The following ZNF28 variants were observed in gnomAD, a reference collection of about 807,000 sequenced individuals.
ZNF28 encodes zinc finger protein KOX24.
A neutral mutation model predicts 7.2 loss-of-function variants in ZNF28; 5 were observed. The ratio of observed to expected loss-of-function variants is 0.70; its 90% CI spans 0.36 to 1.46. ZNF28 has a LOEUF of 1.46. Among genes scored for constraint, ZNF28 ranks in the 40% most tolerant of loss-of-function variants. The pLI, the probability that ZNF28 is intolerant of heterozygous loss-of-function variation, is 0.03. For synonymous variants in ZNF28, 288 were observed against 292.4 expected, an observed-to-expected ratio of 0.99 and a Z score of 0.15; for missense variants, 879 against 866.6, an observed-to-expected ratio of 1.01 and a Z score of -0.18.
chr19:52,810,061 G>A lies in ZNF28; in HGVS notation c.16-1928C>T, dbSNP rs1357362734. 14 of 743,712 alleles carry A rather than the reference G, an allele frequency of 1.9e-5. No homozygotes were observed. In the Middle Eastern group the frequency reaches 1.4e-3, roughly 76 times the overall value. 46.1% of individuals were successfully genotyped at this position (743,712 alleles called of 1,614,324 possible). ...CTCCAGCCCCGCGCCCCATGCCTGG[G>A]AGCTCCAGGACCTGGGCCTCGTTCA... On this transcript the variant is annotated intron_variant, in intron 2 of 3. Coordinates refer to ENST00000457749, the MANE Select transcript of ZNF28 (RefSeq NM_006969.5).
chr19:52,806,058 T>C (rs1373793774), intron 3 of ZNF28: 2 of 152,150 alleles, frequency 1.3e-5, no homozygotes, highest in Non-Finnish European at 2.9e-5. Flanking sequence ...ACTAAACTTT[T>C]TTCATATTTA....
At chr19:52,809,840 T>TGGC (rs2062992709) in intron 2 of ZNF28, 4 of 421,968 alleles carry the variant, frequency 9.5e-6, no homozygotes, top group Admixed American at 4.5e-5. Flanking sequence ...GCGGCGGCGG[T>TGGC]GGCGGTGGTG....
Position 52,800,877 on chromosome 19 carries a change from C to A in ZNF28, c.968G>T (p.Gly323Val), listed in dbSNP as rs760907234. 3.1e-6 allele frequency: 5 copies of A among 1,614,000 alleles called. No homozygotes were observed. The highest frequency in any genetic ancestry group is 4.2e-6 in the Non-Finnish European group (5 of 1,179,946). The change falls in exon 4 of 4, where the codon GGA becomes GTA. Residue 323 changes from glycine (G) to valine (V), a missense_variant. This residue lies in a region of ZNF28 where 864 missense variants were observed against 830.2 expected (regional missense o/e 1.04). Transcript: ENST00000457749. ...AACCTTACATTTGTATGGTTTCCCT[C>A]CAGTATAAATTATCTTATGTGTTTC... ...HLETHKIIYTGGKPYKCKVCD... is the reference protein window; with the variant it reads ...HLETHKIIYTVGKPYKCKVCD...
rs545406353 is a variant in ZNF28 at position 52,817,935 on chromosome 19, C to T, written c.15+9G>A. On this transcript the variant is annotated intron_variant, in intron 2 of 3. Transcript: ENST00000457749. ...GAGACAGAGCAATCCACCGAGAATA[C>T]CATCTCACCTGAGGAAGAGCCATCC... 785 of 1,610,580 alleles carry T rather than the reference C, an allele frequency of 4.9e-4. 1 individual carries two copies. The highest frequency in any genetic ancestry group is 6.6e-4 in the Middle Eastern group (4 of 6,058).
Position 52,818,018 on chromosome 19 carries a change from T to G in ZNF28, c.-60A>C. 6.2e-7 allele frequency: 1 copy of G among 1,606,902 alleles called. No individual in the cohort carries two copies. The highest frequency in any genetic ancestry group is 8.5e-7 in the Non-Finnish European group (1 of 1,177,094). Reference sequence around the variant, plus strand: ...GTTTCTTCCTCACGTACCAAGATTCTTTAGAAGTCAATCCTGAATGTTAAA... The same window carrying G: ...GTTTCTTCCTCACGTACCAAGATTCGTTAGAAGTCAATCCTGAATGTTAAA... On this transcript the variant is annotated 5_prime_UTR_variant, in exon 2 of 4. Transcript: ENST00000457749.
chr19:52,802,302 A>T (rs2062881901), intron 3 of ZNF28, among the ~76,000 whole-genome samples: 1 of 152,206 alleles, frequency 6.6e-6, no homozygotes, highest in South Asian at 2.1e-4. Context: ...CCAAAGGCAA[A>T]GGTTGCTGTA....
intron 2 of ZNF28, among the ~76,000 whole-genome samples, chr19:52,811,264 TGCCTTG>T (rs1227098771): frequency 2.0e-5 from 3 of 151,626 alleles, no homozygotes; most frequent in African/African-American, 7.3e-5. Context: ...CCCAGCCGCC[TGCCTTG>T]GCCTCCCAAA....
chr19:52,800,208 G>A lies in ZNF28; in HGVS notation c.1637C>T (p.Thr546Ile), dbSNP rs757503950. 6.2e-6 allele frequency: 10 copies of A among 1,613,200 alleles called. No homozygotes were observed. Among genetic ancestry groups the A allele is most frequent in the Non-Finnish European group, 7.6e-6 (9 of 1,179,874 alleles). The part of the protein sequence containing the change: ...ANLACHHKLH[T>I]AEKPYKCEEC... Reference sequence around the variant, plus strand: ...TTCACATTTGTACGGTTTCTCTGCAGTATGAAGTTTATGATGACATGCAAG... The same window carrying A: ...TTCACATTTGTACGGTTTCTCTGCAATATGAAGTTTATGATGACATGCAAG... The change falls in exon 4 of 4, where the codon ACT (threonine) becomes ATT (isoleucine). Residue 546 changes from threonine to isoleucine, a missense_variant. Thr to Ile is a moderately conservative substitution (Grantham distance 89). Transcript: ENST00000457749.
rs1423494583 is a variant in ZNF28 at position 52,797,748 on chromosome 19, T to C, written c.*1940A>G. ...AATCCATACTGATTGGAAAAATTAG[T>C]ATTGCTCAATGATTATATAACCGAA... On this transcript the variant is annotated 3_prime_UTR_variant, in exon 4 of 4. Transcript: ENST00000457749. 1 of 152,398 alleles carries C rather than the reference T, an allele frequency of 6.6e-6. No individual in the cohort carries two copies. Among genetic ancestry groups the C allele is most frequent in the Non-Finnish European group, 1.5e-5 (1 of 68,040 alleles). 9.4% of individuals were successfully genotyped at this position (152,398 alleles called of 1,614,324 possible).
rs1056383413 is a variant in ZNF28, at chr19:52,817,800, T to G, written c.15+144A>C. On this transcript the variant is annotated intron_variant, in intron 2 of 3. Transcript: ENST00000457749. ...CACCAGAGATGGAATCTAAGCGAGATGAGATGAACTGAAGGAAGGCATGGG... is the reference window on the plus strand; with the variant it reads ...CACCAGAGATGGAATCTAAGCGAGAGGAGATGAACTGAAGGAAGGCATGGG... 4.5e-5 allele frequency: 69 copies of G among 1,533,340 alleles called. No individual in the cohort carries two copies. In the East Asian group the frequency reaches 7.9e-4, roughly 18 times the overall value. The allele number at this position is 1,533,340 out of a possible 1,614,324, so 95.0% of individuals were successfully genotyped here.
At chr19:52,803,461 CAATT>C (rs1480949170) in intron 3 of ZNF28, among the ~76,000 whole-genome samples, 2 of 152,062 alleles carry the variant, frequency 1.3e-5, no homozygotes, top group Non-Finnish European at 2.9e-5. Context: ...TCATAAAAAT[CAATT>C]AATCAAATAT....
At chr19:52,809,991 G>T in intron 2 of ZNF28, 1 of 764,290 alleles carries the variant, frequency 1.3e-6, no homozygotes, top group Non-Finnish European at 2.3e-6. Context: ...TGAGGAACTG[G>T]AGCCTGAGGA....
At chr19:52,810,274 C>A in intron 2 of ZNF28, 1 of 1,423,168 alleles carries the variant, frequency 7.0e-7, no homozygotes, top group Non-Finnish European at 9.9e-7. Context: ...CCAGTGATCA[C>A]GTCCATTGAG....
At chr19:52,810,248 TCCAGGCAATGCTGGC>T in intron 2 of ZNF28, 1 of 1,276,786 alleles carries the variant, frequency 7.8e-7, no homozygotes, top group Non-Finnish European at 1.1e-6. Context: ...TGAGTCTACC[TCCAGGCAATGCTGGC>T]CCAGTGATCA....
chr19:52,810,439 C>T, intron 2 of ZNF28: 5 of 1,599,212 alleles, frequency 3.1e-6, no homozygotes, highest in Non-Finnish European at 4.3e-6. Flanking sequence ...AAAGGGTTTG[C>T]ATATATAGAG....
At chr19:52,803,224 A>G (rs1218361577) in intron 3 of ZNF28, among the ~76,000 whole-genome samples, 1 of 152,088 alleles carries the variant, frequency 6.6e-6, no homozygotes, top group Non-Finnish European at 1.5e-5. Context: ...ATGCAGGCAC[A>G]TGCCACTGTG....
chr19:52,800,552 T>C lies in ZNF28; in HGVS notation c.1293A>G (p.Ile431Met), dbSNP rs777025088. ...TGTAAGGCTTCTCTCCAGTGTGAAT[T>C]ATACTATGTTTTGCCAGGTATGAAT... ...AYNSYLAKHS[I>M]IHTGEKPYKC... Residue 431 changes from isoleucine (I) to methionine (M), a missense_variant, in exon 4 of 4, where the codon ATA becomes ATG. Around this residue, in one of 2 missense-constraint regions of ZNF28, gnomAD observed 864 missense variants for 830.2 expected, o/e 1.04. Transcript: ENST00000457749. 6.2e-6 allele frequency: 10 copies of C among 1,613,462 alleles called. No homozygotes were observed. Among genetic ancestry groups the C allele is most frequent in the Non-Finnish European group, 7.6e-6 (9 of 1,179,840 alleles).
At position 52,799,307 on chromosome 19, in the gene ZNF28, C is replaced by T; in HGVS notation, c.*381G>A. ...CAGTTTGAATTCTAATATGTTTTGCCAGGTATGAATTATATTCAAAAATCT... is the reference window on the plus strand; with the variant it reads ...CAGTTTGAATTCTAATATGTTTTGCTAGGTATGAATTATATTCAAAAATCT... On this transcript the variant is annotated 3_prime_UTR_variant, in exon 4 of 4. Coordinates refer to ENST00000457749, the MANE Select transcript of ZNF28 (RefSeq NM_006969.5). The T allele has an allele frequency of 2.6e-6, 1 of 382,734 alleles. No individual in the cohort carries two copies. The highest frequency in any genetic ancestry group is 5.0e-6 in the Non-Finnish European group (1 of 201,216). 23.7% of individuals were successfully genotyped at this position (382,734 alleles called of 1,614,324 possible). A position where few individuals can be genotyped will look rare whatever the true frequency, so the allele number is the denominator to read the frequency against.
At position 52,799,899 on chromosome 19, in the gene ZNF28, G is replaced by T. The variant is rs141298866; in HGVS notation, c.1946C>A (p.Ser649Tyr). Reference protein sequence around the residue: ...ECGKTFSQMSSLVYHHRLHSG... With the variant: ...ECGKTFSQMSYLVYHHRLHSG... ...ATGAAGCCTATGATGGTATACGAGG[G>T]ATGACATCTGACTGAAGGTCTTGCC... Residue 649 changes from serine (S) to tyrosine (Y), a missense_variant, in exon 4 of 4, where the codon TCC becomes TAC. Physicochemically the swap from Ser to Tyr is moderately radical, Grantham distance 144. This residue lies in a region of ZNF28 where 864 missense variants were observed against 830.2 expected (regional missense o/e 1.04). Coordinates refer to ENST00000457749, the MANE Select transcript of ZNF28 (RefSeq NM_006969.5). 265 of 1,602,386 alleles carry T rather than the reference G, an allele frequency of 1.7e-4. No homozygotes were observed. The highest frequency in any genetic ancestry group is 3.3e-4 in the Middle Eastern group (2 of 6,014).
Sources: allele counts gnomAD v4.1 joint callset (sites outside exome capture counted in the v4.1 genomes callset), GRCh38; gene constraint gnomAD v4.1.1; regional missense constraint gnomAD v4.1.1; transcripts MANE v1.5; gene names NCBI Gene and HGNC (gene_info 2026-07-23, HGNC 2026-07-21).